The following ADAMTS17 variants were observed in gnomAD, a reference collection of about 807,000 sequenced individuals.
The protein encoded by ADAMTS17 is A disintegrin and metalloproteinase with thrombospondin motifs 17.
In ADAMTS17, 113 loss-of-function variants were observed where a neutral mutation model predicts 141.5. The ratio of observed to expected loss-of-function variants is 0.80; its 90% CI spans 0.69 to 0.93. The LOEUF (loss-of-function observed/expected upper bound fraction) is 0.93. Ranked by LOEUF, ADAMTS17 falls within the 40% of genes least tolerant of loss-of-function variation. The pLI is 0.00. For synonymous variants in ADAMTS17, 768 were observed against 630.6 expected (o/e 1.22, Z -3.27); for missense variants, 1,659 against 1,517.9 (o/e 1.09, Z -1.54).
chr15:100,288,955 G>A (rs1171209560), intron 3 of ADAMTS17, among the ~76,000 whole-genome samples: 1 of 152,026 alleles, frequency 6.6e-6, no homozygotes, highest in Non-Finnish European at 1.5e-5. Flanking sequence ...AGAAAAACAA[G>A]AGTAAACCAA....
intron 8 of ADAMTS17, among the ~76,000 whole-genome samples, chr15:100,155,915 G>C (rs555012985): frequency 6.6e-6 from 1 of 152,188 alleles, no homozygotes; most frequent in African/African-American, 2.4e-5. Flanking sequence ...ACTGTGAGCT[G>C]AACAGTGATC....
intron 2 of ADAMTS17, 59 bp downstream of exon 2, chr15:100,340,980 C>G (rs1213268497): frequency 2.5e-5 from 38 of 1,518,244 alleles, no homozygotes; most frequent in Non-Finnish European, 2.4e-5. Flanking sequence ...CCCTCCACGG[C>G]GACCACTCTG....
rs543223324 is a variant in ADAMTS17 at position 100,233,281 on chromosome 15, GATTGCGCT to G, written c.1075+20847_1075+20854del. ...GGAGGCAGAGGTTGCAGTGAGCCAA[GATTGCGCT>G]ATGGCACTCCAGCCTGGGCAACAAG... On this transcript the variant is annotated intron_variant, in intron 7 of 21. Transcript: ENST00000268070. 2.2e-3 allele frequency among the ~76,000 whole-genome samples: 331 copies of G among 151,102 alleles called. 1 individual carries two copies. The highest frequency in any genetic ancestry group is 6.6e-3 in the African/African-American group (269 of 40,978).
At position 99,972,760 on chromosome 15, in the gene ADAMTS17, C is replaced by T. The variant is rs577902130; in HGVS notation, c.*1642G>A. ...TGAGTAAATTCCCTGACATCCCTACCGCTTCTCTGCCTCTAGGGTAGTAAA... is the reference window on the plus strand; with the variant it reads ...TGAGTAAATTCCCTGACATCCCTACTGCTTCTCTGCCTCTAGGGTAGTAAA... On this transcript the variant is annotated 3_prime_UTR_variant, in exon 22 of 22. Transcript: ENST00000268070. 5.8e-4 allele frequency: 89 copies of T among 152,288 alleles called. No homozygotes were observed. The highest frequency in any genetic ancestry group is 1.5e-3 in the East Asian group (8 of 5,180). 9.4% of individuals were successfully genotyped at this position (152,288 alleles called of 1,614,324 possible).
At position 100,054,773 on chromosome 15, in the gene ADAMTS17, A is replaced by G. The variant is rs60104699; in HGVS notation, c.2138-719T>C. Among the ~76,000 whole-genome samples, 785 of 152,266 alleles carry G rather than the reference A, an allele frequency of 5.2e-3. 10 individuals are homozygous for G. Among genetic ancestry groups the G allele is most frequent in the African/African-American group, 0.018 (733 of 41,560 alleles). ...GGGCTTCAGGTTCTCACGTTTGCTC[A>G]CCCACATCTCTACCAGGGACAGCCT... On this transcript the variant is annotated intron_variant, in intron 15 of 21. Transcript: ENST00000268070.
intron 3 of ADAMTS17, among the ~76,000 whole-genome samples, chr15:100,322,386 G>T (rs1391136394): frequency 1.3e-5 from 2 of 152,148 alleles, no homozygotes; most frequent in African/African-American, 2.4e-5. Flanking sequence ...GTCTAGTTAA[G>T]AATAAAAGAA....
chr15:100,327,728 T>C (rs1435714073), intron 3 of ADAMTS17, among the ~76,000 whole-genome samples: 1 of 152,224 alleles, frequency 6.6e-6, no homozygotes, highest in Non-Finnish European at 1.5e-5. Flanking sequence ...CCATTTTAGT[T>C]TGCCAAGTTC....
At chr15:100,005,459 C>T (rs911407191) in intron 18 of ADAMTS17, among the ~76,000 whole-genome samples, 3 of 152,036 alleles carry the variant, frequency 2.0e-5, no homozygotes, top group African/African-American at 7.2e-5. Flanking sequence ...TCCAGCTCCA[C>T]GCTGCCCCAC....
intron 15 of ADAMTS17, among the ~76,000 whole-genome samples, chr15:100,061,252 G>A (rs547933977): frequency 2.6e-5 from 4 of 152,296 alleles, no homozygotes; most frequent in Admixed American, 2.0e-4. Context: ...CTCCATGAAC[G>A]GCAGCGAAAT....
At chr15:100,022,005 C>T (rs2061414758) in intron 18 of ADAMTS17, among the ~76,000 whole-genome samples, 1 of 152,186 alleles carries the variant, frequency 6.6e-6, no homozygotes, top group Non-Finnish European at 1.5e-5. Context: ...CTATCCTGAC[C>T]TTGCTATGGC....
chr15:100,271,256 G>A (rs1195651477), intron 4 of ADAMTS17, among the ~76,000 whole-genome samples: 2 of 151,998 alleles, frequency 1.3e-5, no homozygotes, highest in Non-Finnish European at 1.5e-5. Context: ...AAACATTTTT[G>A]GGTGTTTACT....
At chr15:100,075,518 A>G (rs1018261451) in intron 15 of ADAMTS17, among the ~76,000 whole-genome samples, 2 of 152,180 alleles carry the variant, frequency 1.3e-5, no homozygotes, top group African/African-American at 4.8e-5. Context: ...ATAAAATGTG[A>G]CCGTGGAGAA....
intron 14 of ADAMTS17, among the ~76,000 whole-genome samples, chr15:100,107,226 T>A (rs968156294): frequency 2.0e-5 from 3 of 152,136 alleles, no homozygotes; most frequent in Non-Finnish European, 4.4e-5. Flanking sequence ...CACACTGAAA[T>A]GTTGATGCCT....
intron 8 of ADAMTS17, among the ~76,000 whole-genome samples, chr15:100,172,713 C>T (rs187337373): frequency 1.1e-4 from 16 of 152,322 alleles, no homozygotes; most frequent in Admixed American, 3.9e-4. Context: ...CTAGCCAATA[C>T]GGGAACAACA....
chr15:100,011,166 G>A (rs796232847), intron 18 of ADAMTS17, among the ~76,000 whole-genome samples: 56 of 149,822 alleles, frequency 3.7e-4, no homozygotes, highest in African/African-American at 1.2e-3. Flanking sequence ...CCCAAGAATC[G>A]AGATGGGTGA....
chr15:99,988,565 C>G (rs997737325), intron 20 of ADAMTS17, among the ~76,000 whole-genome samples: 4 of 152,212 alleles, frequency 2.6e-5, no homozygotes, highest in Non-Finnish European at 5.9e-5. Flanking sequence ...CACAGAGGCC[C>G]TCACATCCCA....
chr15:100,050,861 C>T (rs1480742916), intron 17 of ADAMTS17, among the ~76,000 whole-genome samples: 2 of 152,192 alleles, frequency 1.3e-5, no homozygotes, highest in African/African-American at 2.4e-5. Flanking sequence ...ACAAACAGCA[C>T]TGTACTAAGA....
At chr15:100,244,075 G>C (rs181509082) in intron 7 of ADAMTS17, among the ~76,000 whole-genome samples, 116 of 152,164 alleles carry the variant, frequency 7.6e-4, no homozygotes, top group Middle Eastern at 3.4e-3. Flanking sequence ...CAGTCATGGC[G>C]GAAGGCAAAG....
Position 99,971,981 on chromosome 15 carries a change from G to A in ADAMTS17, c.*2421C>T, listed in dbSNP as rs1280008225. 1 of 152,214 alleles carries A rather than the reference G, an allele frequency of 6.6e-6. No homozygotes were observed. Among genetic ancestry groups the A allele is most frequent in the Non-Finnish European group, 1.5e-5 (1 of 68,038 alleles). 9.4% of individuals were successfully genotyped at this position (152,214 alleles called of 1,614,324 possible). Reference sequence around the variant, plus strand: ...AAGATAAGCTAAAAGGCCGGGCGCGGTGGCTCACTCCTGTAATCCCAGCAC... The same window carrying A: ...AAGATAAGCTAAAAGGCCGGGCGCGATGGCTCACTCCTGTAATCCCAGCAC... On this transcript the variant is annotated 3_prime_UTR_variant, in exon 22 of 22. Transcript: ENST00000268070.
Sources: allele counts gnomAD v4.1 joint callset (sites outside exome capture counted in the v4.1 genomes callset), GRCh38; gene constraint gnomAD v4.1.1; transcripts MANE v1.5; gene names NCBI Gene and HGNC (gene_info 2026-07-23, HGNC 2026-07-21).